Variants in MAMDC2 observed in about 807,000 individuals in gnomAD.
MAMDC2 encodes the protein MAM domain containing 2, also known as MAM domain-containing protein 2.
MAMDC2 carries 57 observed loss-of-function variants against 89.8 expected under a neutral mutation model. The observed-to-expected ratio is 0.63, with a 90% CI of 0.51 to 0.79. The LOEUF is 0.79. MAMDC2 is among the 30% of genes least tolerant of loss of function. The probability of loss-of-function intolerance (pLI) is 0.00; values close to 1 mark genes in which losing one functional copy is unlikely to be tolerated. For missense variants in MAMDC2, 800 were observed against 820.6 expected (o/e 0.97, Z 0.31); for synonymous variants, 313 against 293.4 (o/e 1.07, Z -0.68).
chr9:70,148,248 T>A (rs1318308109), intron 9 of MAMDC2, among the ~76,000 whole-genome samples: 1 of 150,164 alleles, frequency 6.7e-6, no homozygotes, highest in African/African-American at 2.5e-5. Flanking sequence ...TATTTAGATC[T>A]CAGCTTAAAC....
chr9:70,137,829 T>G (rs1041728384), intron 7 of MAMDC2, among the ~76,000 whole-genome samples: 1 of 152,152 alleles, frequency 6.6e-6, no homozygotes, highest in Non-Finnish European at 1.5e-5. Context: ...ATCCCCTCTG[T>G]TCTAAGAGGG....
chr9:70,209,517 C>G (rs1394702845), intron 11 of MAMDC2, among the ~76,000 whole-genome samples: 2 of 147,346 alleles, frequency 1.4e-5, no homozygotes, highest in East Asian at 2.0e-4. Context: ...TGATTCTTCT[C>G]TGTTCTTTTT....
At chr9:70,159,576 G>T (rs1039461558) in intron 9 of MAMDC2, among the ~76,000 whole-genome samples, 6 of 152,198 alleles carry the variant, frequency 3.9e-5, no homozygotes, top group Admixed American at 1.3e-4. Context: ...TCAGGCCCAG[G>T]AGGGGTTCAT....
chr9:70,162,229 TG>T lies in MAMDC2; in HGVS notation c.1405-6472del, dbSNP rs141269804. 4.3e-3 allele frequency among the ~76,000 whole-genome samples: 651 copies of T among 152,324 alleles called. 4 individuals carry two copies. Among genetic ancestry groups the T allele is most frequent in the African/African-American group, 0.014 (569 of 41,588 alleles). On this transcript the variant is annotated intron_variant, in intron 9 of 13. Transcript: ENST00000377182. ...GTGAAAAAATATTTAATACAGCCAG[TG>T]TTTAGTTCTTTAACACAAACAGTCC...
At chr9:70,061,995 G>A (rs1209912066) in intron 2 of MAMDC2, among the ~76,000 whole-genome samples, 1 of 152,080 alleles carries the variant, frequency 6.6e-6, no homozygotes, top group Non-Finnish European at 1.5e-5. Flanking sequence ...GGATTCAGCT[G>A]TAATGGTCAC....
In MAMDC2 at chr9:70,099,745, C is replaced by T. The variant is rs188989545; in HGVS notation, c.149-8466C>T. Among the ~76,000 whole-genome samples the T allele has an allele frequency of 2.9e-3, 446 of 152,114 alleles. 2 individuals carry two copies. The highest frequency in any genetic ancestry group is 4.7e-3 in the Non-Finnish European group (319 of 67,988). The stretch of plus-strand genomic sequence containing the variant: ...ATCCCAGCACTTTGGGAGGCCGAGG[C>T]GGGTGGATCACCTGAGGTCAGTAGT... On this transcript the variant is annotated intron_variant, in intron 2 of 13. Transcript: ENST00000377182.
At chr9:70,133,616 A>C (rs1386099344) in intron 7 of MAMDC2, among the ~76,000 whole-genome samples, 8 of 152,230 alleles carry the variant, frequency 5.3e-5, no homozygotes, top group Non-Finnish European at 1.0e-4. Context: ...ATGTGGATTC[A>C]CATCCCTATT....
chr9:70,190,426 GC>G (rs1189224304), intron 11 of MAMDC2, among the ~76,000 whole-genome samples: 3 of 152,142 alleles, frequency 2.0e-5, no homozygotes, highest in African/African-American at 7.2e-5. Context: ...CCAGAACACA[GC>G]AGGTTCTGTG....
At position 70,126,309 on chromosome 9, in the gene MAMDC2, C is replaced by T; in HGVS notation, c.794C>T (p.Thr265Ile). 6.2e-7 allele frequency: 1 copy of T among 1,614,168 alleles called. No homozygotes were observed. Among genetic ancestry groups the T allele is most frequent in the Non-Finnish European group, 8.5e-7 (1 of 1,180,038 alleles). Residue 265 changes from threonine to isoleucine, a missense_variant, in exon 6 of 14, where the codon ACT becomes ATT. Transcript: ENST00000377182. ...QGNDNVFSLY[T>I]RDVAGLYEEI... The stretch of plus-strand genomic sequence containing the variant: ...AATGACAATGTCTTTTCCCTTTACA[C>T]TCGGGATGTGGCTGGCCTTTACGAG...
chr9:70,192,959 A>G (rs2118606614), intron 11 of MAMDC2, among the ~76,000 whole-genome samples: 1 of 152,254 alleles, frequency 6.6e-6, no homozygotes, highest in South Asian at 2.1e-4. Context: ...GTGATTAGAC[A>G]TCACCTGGAG....
intron 2 of MAMDC2, among the ~76,000 whole-genome samples, chr9:70,078,115 G>A (rs890568968): frequency 6.6e-6 from 1 of 151,316 alleles, no homozygotes; most frequent in Admixed American, 6.6e-5. Context: ...AGTGCACAAT[G>A]TGTGAGATCA....
intron 9 of MAMDC2, chr9:70,148,062 C>T (rs1231021668): frequency 1.3e-5 from 2 of 150,360 alleles, no homozygotes; most frequent in South Asian, 4.3e-4. Flanking sequence ...CTGCAGGGAC[C>T]CTTTGGCTTC....
chr9:70,181,374 TC>T (rs1332049831), intron 11 of MAMDC2, among the ~76,000 whole-genome samples: 1 of 152,202 alleles, frequency 6.6e-6, no homozygotes, highest in Non-Finnish European at 1.5e-5. Flanking sequence ...AGTAGTTTTT[TC>T]TAATTCTGTG....
chr9:70,149,105 G>T (rs2031503300), intron 9 of MAMDC2, among the ~76,000 whole-genome samples: 1 of 147,344 alleles, frequency 6.8e-6, no homozygotes, highest in Admixed American at 6.8e-5. Context: ...CAGCTACTCT[G>T]GAGGCTGAGG....
intron 9 of MAMDC2, chr9:70,153,684 T>C (rs2031650515): frequency 6.6e-6 from 1 of 152,172 alleles, no homozygotes; most frequent in Non-Finnish European, 1.5e-5. Flanking sequence ...AAAATCTTCA[T>C]GGTAAATCCT....
chr9:70,221,372 T>TAGAGAGAGAGAGAGAG (rs1235831563), intron 12 of MAMDC2, among the ~76,000 whole-genome samples: 1 of 6,810 alleles, frequency 1.5e-4, no homozygotes, highest in Non-Finnish European at 3.1e-4. Flanking sequence ...TATATATATA[T>TAGAGAGAGAGAGAGAG]ATATATATAG....
chr9:70,214,056 G>C lies in MAMDC2; in HGVS notation c.1652-4281G>C, dbSNP rs1404824143. Among the ~76,000 whole-genome samples, 4 of 152,220 alleles carry C rather than the reference G, an allele frequency of 2.6e-5. No homozygotes were observed. In the East Asian group the frequency reaches 7.7e-4, roughly 29 times the overall value. ...TTACTATGTTCCAAGCACTGTTCTA[G>C]GACCTGGGAATGTGGCAGTGAACTA... On this transcript the variant is annotated intron_variant, in intron 11 of 13. Coordinates refer to ENST00000377182, the MANE Select transcript of MAMDC2 (RefSeq NM_153267.5).
chr9:70,109,968 G>A (rs930103656), intron 4 of MAMDC2, among the ~76,000 whole-genome samples, 164 bp downstream of exon 4: 2 of 152,180 alleles, frequency 1.3e-5, no homozygotes, highest in Non-Finnish European at 2.9e-5. Context: ...AATACTGTAT[G>A]TTTTTTGTCT....
intron 2 of MAMDC2, among the ~76,000 whole-genome samples, chr9:70,096,057 T>C (rs370364447): frequency 6.6e-6 from 1 of 151,976 alleles, no homozygotes; most frequent in African/African-American, 2.4e-5. Flanking sequence ...ACAATCTTGC[T>C]CTCTTGCCTG....
Sources: gnomAD v4.1 joint callset for allele counts (sites outside exome capture counted in the v4.1 genomes callset) on GRCh38, gnomAD v4.1.1 for gene constraint, MANE v1.5 for transcripts, NCBI Gene and HGNC (gene_info 2026-07-23, HGNC 2026-07-21) for gene names.